The following ZNF541 variants were observed in gnomAD, a reference collection of about 807,000 sequenced individuals.
ZNF541 encodes the protein zinc finger protein 541.
ZNF541 carries 23 observed loss-of-function variants against 123.5 expected under a neutral mutation model. That is an observed-to-expected ratio of 0.19 (90% CI 0.13 to 0.26). The LOEUF is 0.26. Ranked by LOEUF, ZNF541 falls within the 10% of genes least tolerant of loss-of-function variation. The pLI is 1.00. For synonymous variants in ZNF541, 751 were observed against 754.5 expected, an observed-to-expected ratio of 1.00 and a Z score of 0.08; for missense variants, 1,612 against 1,789.9, an observed-to-expected ratio of 0.90 and a Z score of 1.79.
chr19:47,553,852 T>C (rs1467502323), intron 3 of ZNF541, among the ~76,000 whole-genome samples: 5 of 152,202 alleles, frequency 3.3e-5, no homozygotes, highest in Admixed American at 1.3e-4. Flanking sequence ...AGCTATAAAA[T>C]TGTTTAATGC....
chr19:47,532,182 G>A lies in ZNF541; in HGVS notation c.3247C>T (p.Leu1083=), dbSNP rs1426646350. The A allele has an allele frequency of 6.4e-7, 1 of 1,551,784 alleles. No homozygotes were observed. The highest frequency in any genetic ancestry group is 8.7e-7 in the Non-Finnish European group (1 of 1,147,012). ...ATATCTCCCCATGGCTTCCAGACCA[G>A]AGAAGCTACATGCTCGTCAGTTCCA... The part of the protein sequence containing the change: ...LAGTDEHVAS[L]VWKPWGDMMI... Residue 1083 remains leucine (L), a synonymous_variant, in exon 11 of 17, where the codon CTG becomes TTG. Transcript: ENST00000391901.
At chr19:47,561,217 T>C (rs1971049178) in intron 2 of ZNF541, among the ~76,000 whole-genome samples, 1 of 152,118 alleles carries the variant, frequency 6.6e-6, no homozygotes, top group Admixed American at 6.6e-5. Flanking sequence ...CTCACACCTG[T>C]AATCCCAGCA....
rs1388686407 is a variant in ZNF541 at position 47,545,512 on chromosome 19, G to A, written c.1017C>T (p.Cys339=). ...CAGTGGCCGGCTCTTTCTGTGGGAGGCAAGGCTCCTCGGGAAGCTCGGTGT... is the reference window on the plus strand; with the variant it reads ...CAGTGGCCGGCTCTTTCTGTGGGAGACAAGGCTCCTCGGGAAGCTCGGTGT... ...ALDTELPEEP[C]LPQKEPATDV... Residue 339 remains cysteine (C), a synonymous_variant, in exon 5 of 17, where the codon TGC becomes TGT. Transcript: ENST00000391901. This position sits in a 1 kb window ranked among gnomAD's most constrained non-coding sequence, Gnocchi z 7.5. The A allele has an allele frequency of 5.3e-6, 8 of 1,507,144 alleles. No homozygotes were observed. Among genetic ancestry groups the A allele is most frequent in the Admixed American group, 4.4e-5 (2 of 45,028 alleles). The allele number at this position is 1,507,144 out of a possible 1,614,324, so 93.4% of individuals were successfully genotyped here.
chr19:47,562,991 C>G (rs934344008), intron 2 of ZNF541, among the ~76,000 whole-genome samples: 1 of 152,210 alleles, frequency 6.6e-6, no homozygotes, highest in Non-Finnish European at 1.5e-5. Context: ...CTAGTGCATA[C>G]TTGAATAACG....
Position 47,529,586 on chromosome 19 carries a change from G to C in ZNF541, c.3472C>G (p.Arg1158Gly), listed in dbSNP as rs1969466764. 1 of 1,551,560 alleles carries C rather than the reference G, an allele frequency of 6.4e-7. No homozygotes were observed. The highest frequency in any genetic ancestry group is 8.7e-7 in the Non-Finnish European group (1 of 1,146,978). The change falls in exon 13 of 17, where the codon CGC (arginine) becomes GGC (glycine). Residue 1158 changes from arginine (R) to glycine (G), a missense_variant. Physicochemically the swap from Arg to Gly is moderately radical, Grantham distance 125. Around this residue, in one of 5 missense-constraint regions of ZNF541, gnomAD observed 285 missense variants for 407.3 expected, o/e 0.70. Transcript: ENST00000391901. ...KPRTHLLADY[R>G]YTGSDVWTPI... ...AGCCTTTCCCCGTCACCTGTGTAGC[G>C]ATAGTCAGCGAGCAGGTGTGTCCGT...
chr19:47,556,268 G>A (rs760107289), intron 2 of ZNF541, among the ~76,000 whole-genome samples: 7 of 152,100 alleles, frequency 4.6e-5, no homozygotes, highest in African/African-American at 1.7e-4. Flanking sequence ...TTAACACATA[G>A]CCTAGGTCAA....
chr19:47,554,752 C>T (rs1301905064), intron 3 of ZNF541, among the ~76,000 whole-genome samples: 2 of 152,196 alleles, frequency 1.3e-5, no homozygotes, highest in Admixed American at 1.3e-4. Context: ...CCCCAGACAC[C>T]TAAGTTTCTG....
intron 3 of ZNF541, among the ~76,000 whole-genome samples, chr19:47,553,486 G>A (rs1970692514): frequency 6.8e-6 from 1 of 147,432 alleles, no homozygotes; most frequent in South Asian, 2.1e-4. Flanking sequence ...TCGGCTCACT[G>A]CAACCTCCGA....
Position 47,549,372 on chromosome 19 carries a change from C to A in ZNF541, c.421G>T (p.Asp141Tyr). ...AACACCTTCCCGCACAGGCTGCAGT[C>A]CAGAAGTGGGTTTTGAGGGGAACTG... ...QHSSPQNPLL[D>Y]CSLCGKVFSS... The change falls in exon 4 of 17, where the codon GAC (aspartate) becomes TAC (tyrosine). Residue 141 changes from aspartate to tyrosine, a missense_variant. Coordinates refer to ENST00000391901, the MANE Select transcript of ZNF541 (RefSeq NM_001277075.3). 2 of 1,551,686 alleles carry A rather than the reference C, an allele frequency of 1.3e-6. No individual in the cohort carries two copies. Among genetic ancestry groups the A allele is most frequent in the Non-Finnish European group, 1.7e-6 (2 of 1,147,010 alleles).
chr19:47,545,042 T>C lies in ZNF541; in HGVS notation c.1487A>G (p.Asp496Gly). Residue 496 changes from aspartate (D) to glycine (G), a missense_variant, in exon 5 of 17, where the codon GAT (aspartate) becomes GGT (glycine). Transcript: ENST00000391901. The surrounding 1 kb of genome is among the most constrained non-coding windows in gnomAD (Gnocchi z 7.5). ...GACCTTCTTGGGGGCGCAGGGGTCA[T>C]CTTCCCCGCTGGCCGACCTGGGGTC... ...PSDPRSASGE[D>G]DPCAPKKVKV... is the part of the protein sequence containing the mutation. 6.7e-7 allele frequency: 1 copy of C among 1,482,302 alleles called. No individual in the cohort carries two copies. Among genetic ancestry groups the C allele is most frequent in the Non-Finnish European group, 8.9e-7 (1 of 1,120,446 alleles). The allele number at this position is 1,482,302 out of a possible 1,614,324, so 91.8% of individuals were successfully genotyped here. A position where few individuals can be genotyped will look rare whatever the true frequency, so the allele number is the denominator to read the frequency against.
At position 47,521,782 on chromosome 19, in the gene ZNF541, C is replaced by T; in HGVS notation, c.3711+72G>A. On this transcript the variant is annotated intron_variant, in intron 15 of 16. Coordinates refer to ENST00000391901, the MANE Select transcript of ZNF541 (RefSeq NM_001277075.3). This position sits in a 1 kb window ranked among gnomAD's most constrained non-coding sequence, Gnocchi z 4.2. Reference sequence around the variant, plus strand: ...CAGGAGCACCCCCGCCCTCTGACCCCACCGTCCAACTCAACGGGTAGCAGG... The same window carrying T: ...CAGGAGCACCCCCGCCCTCTGACCCTACCGTCCAACTCAACGGGTAGCAGG... 1 of 1,531,794 alleles carries T rather than the reference C, an allele frequency of 6.5e-7. No individual in the cohort carries two copies. The highest frequency in any genetic ancestry group is 2.5e-5 in the East Asian group (1 of 40,666). 94.9% of individuals were successfully genotyped at this position (1,531,794 alleles called of 1,614,324 possible). A position where few individuals can be genotyped will look rare whatever the true frequency, so the allele number is the denominator to read the frequency against.
intron 11 of ZNF541, 72 bp from the exon 12 acceptor site, chr19:47,531,817 G>T: frequency 7.4e-7 from 1 of 1,346,320 alleles, no homozygotes. Flanking sequence ...AACCTTTCCC[G>T]AAAGACAGCA....
chr19:47,563,108 T>C (rs1407042406), intron 2 of ZNF541, among the ~76,000 whole-genome samples: 2 of 152,232 alleles, frequency 1.3e-5, no homozygotes, highest in Non-Finnish European at 2.9e-5. Context: ...TTGCATGTTA[T>C]ATGTCTACCT....
chr19:47,521,893 G>A lies in ZNF541; in HGVS notation c.3672C>T (p.Val1224=), dbSNP rs1568478319. The A allele has an allele frequency of 6.4e-7, 1 of 1,551,770 alleles. No individual in the cohort carries two copies. The highest frequency in any genetic ancestry group is 1.2e-5 in the South Asian group (1 of 84,048). ...CGRAPGLEKR[V]KREPEEVERT... Reference sequence around the variant, plus strand: ...TTTCCACTTCCTCCGGCTCTCTCTTGACCCTCTTTTCTAGCCCTGGGGCTC... The same window carrying A: ...TTTCCACTTCCTCCGGCTCTCTCTTAACCCTCTTTTCTAGCCCTGGGGCTC... The change falls in exon 15 of 17, where the codon GTC becomes GTT. Residue 1224 remains valine, a synonymous_variant. Transcript: ENST00000391901. This position sits in a 1 kb window ranked among gnomAD's most constrained non-coding sequence, Gnocchi z 4.2.
In ZNF541 at chr19:47,548,805, G is replaced by A. The variant is rs992808322; in HGVS notation, c.548+440C>T. Among the ~76,000 whole-genome samples, 4 of 152,218 alleles carry A rather than the reference G, an allele frequency of 2.6e-5. No individual in the cohort carries two copies. In the East Asian group the frequency reaches 7.7e-4, roughly 29 times the overall value. ...AGAAGAACGGAGTGGGCTGGGCACG[G>A]TGGCTCACACCTGTAATCCCAGAAC... On this transcript the variant is annotated intron_variant, in intron 4 of 16. Transcript: ENST00000391901.
intron 3 of ZNF541, among the ~76,000 whole-genome samples, chr19:47,553,617 G>GA (rs1263084491): frequency 6.6e-6 from 1 of 152,010 alleles, no homozygotes; most frequent in Non-Finnish European, 1.5e-5. Flanking sequence ...TGTTAGCCAG[G>GA]ATGGTCTTGA....
intron 2 of ZNF541, among the ~76,000 whole-genome samples, chr19:47,567,605 A>G (rs958584268): frequency 1.1e-4 from 17 of 152,378 alleles, no homozygotes; most frequent in African/African-American, 4.1e-4. Flanking sequence ...ACCATATCAG[A>G]TGGTGCAAAT....
chr19:47,539,085 TG>T (rs1238899564), intron 8 of ZNF541, among the ~76,000 whole-genome samples: 1 of 152,096 alleles, frequency 6.6e-6, no homozygotes, highest in Non-Finnish European at 1.5e-5. Context: ...GGGCTCCCTC[TG>T]CTCCCAGCTC....
At chr19:47,570,576 TAAAAA>T (rs35955168) in intron 2 of ZNF541, among the ~76,000 whole-genome samples, 1 of 58,830 alleles carries the variant, frequency 1.7e-5, no homozygotes, top group Non-Finnish European at 3.1e-5. Flanking sequence ...GACTCTGTCC[TAAAAA>T]AAAAAAAAAA....
Sources: allele counts gnomAD v4.1 joint callset (sites outside exome capture counted in the v4.1 genomes callset), GRCh38; gene constraint gnomAD v4.1.1; regional missense constraint gnomAD v4.1.1; non-coding constraint Gnocchi (gnomAD v3.1); transcripts MANE v1.5; gene names NCBI Gene and HGNC (gene_info 2026-07-23, HGNC 2026-07-21).